The following OPCML variants were observed in gnomAD, a reference collection of about 807,000 sequenced individuals.
The protein encoded by OPCML is opioid-binding protein/cell adhesion molecule.
A neutral mutation model predicts 37.8 loss-of-function variants in OPCML; 13 were observed. The ratio of observed to expected loss-of-function variants is 0.34; its 90% CI spans 0.22 to 0.55. The LOEUF is 0.55. Ranked by LOEUF, OPCML falls within the 20% of genes least tolerant of loss-of-function variation. OPCML has a pLI of 0.91. For missense variants in OPCML, 341 were observed against 435.6 expected (o/e 0.78, Z 1.93); for synonymous variants, 176 against 168.8 (o/e 1.04, Z -0.33).
intron 7 of OPCML, among the ~76,000 whole-genome samples, chr11:132,434,759 G>A (rs964221934): frequency 1.3e-5 from 2 of 151,940 alleles, no homozygotes; most frequent in Non-Finnish European, 2.9e-5. Flanking sequence ...TTTGCCTTGG[G>A]CTAAAAGAAT....
chr11:132,562,488 A>T (rs1028445037), intron 3 of OPCML, among the ~76,000 whole-genome samples: 4 of 152,176 alleles, frequency 2.6e-5, no homozygotes, highest in African/African-American at 9.6e-5. Flanking sequence ...CTAGTCCAGA[A>T]CAATGAAAAA....
chr11:133,287,079 C>G (rs1265931996), intron 1 of OPCML, among the ~76,000 whole-genome samples: 1 of 152,100 alleles, frequency 6.6e-6, no homozygotes. Context: ...CCCTTTGTTT[C>G]CGACTGCAGA....
At chr11:133,280,238 C>A (rs1038977298) in intron 1 of OPCML, among the ~76,000 whole-genome samples, 1 of 152,202 alleles carries the variant, frequency 6.6e-6, no homozygotes, top group Admixed American at 6.5e-5. Flanking sequence ...TCTTTACCAG[C>A]CTGTCCTTTT....
At chr11:132,504,865 G>A (rs752728871) in intron 4 of OPCML, among the ~76,000 whole-genome samples, 8 of 151,982 alleles carry the variant, frequency 5.3e-5, no homozygotes, top group African/African-American at 1.2e-4. Flanking sequence ...ATCAGGAGGC[G>A]GGGTCACTGA....
intron 4 of OPCML, among the ~76,000 whole-genome samples, chr11:132,468,024 T>C (rs1330805529): frequency 6.6e-6 from 1 of 152,182 alleles, no homozygotes; most frequent in Non-Finnish European, 1.5e-5. Context: ...GTCCCTAATC[T>C]TGTGACCTAC....
Position 132,433,039 on chromosome 11 carries a change from G to A in OPCML, c.916+3047C>T, listed in dbSNP as rs1034673989. Among the ~76,000 whole-genome samples, 5 of 152,286 alleles carry A rather than the reference G, an allele frequency of 3.3e-5. No homozygotes were observed. In the East Asian group the frequency reaches 9.7e-4, roughly 29 times the overall value. On this transcript the variant is annotated intron_variant, in intron 7 of 7. Coordinates refer to ENST00000524381, the MANE Select transcript of OPCML (RefSeq NM_001012393.5). Reference sequence around the variant, plus strand: ...AGAGGTCAGGAAAGTCTTCCTTCAGGAAGGGATGCTGAATGCAAGTGTGTG... The same window carrying A: ...AGAGGTCAGGAAAGTCTTCCTTCAGAAAGGGATGCTGAATGCAAGTGTGTG...
rs972150235 is a variant in OPCML, at chr11:133,206,556, A to G, written c.62-263546T>C. Among the ~76,000 whole-genome samples the G allele has an allele frequency of 1.3e-5, 2 of 152,178 alleles. No individual in the cohort carries two copies. The highest frequency in any genetic ancestry group is 2.9e-5 in the Non-Finnish European group (2 of 68,018). On this transcript the variant is annotated intron_variant, in intron 1 of 7. Coordinates refer to ENST00000524381, the MANE Select transcript of OPCML (RefSeq NM_001012393.5). This position sits in a 1 kb window ranked among gnomAD's most constrained non-coding sequence, Gnocchi z 4.7. ...TACTCTCAGAAACATTTGCATATCTAAGCCACTAATAAATGAAGGGTAGTA... is the reference window on the plus strand; with the variant it reads ...TACTCTCAGAAACATTTGCATATCTGAGCCACTAATAAATGAAGGGTAGTA...
chr11:132,741,145 A>C (rs1371282205), intron 2 of OPCML, among the ~76,000 whole-genome samples: 1 of 152,206 alleles, frequency 6.6e-6, no homozygotes, highest in Admixed American at 6.5e-5. Flanking sequence ...GTATATCCTG[A>C]GCCTGACAGA....
In OPCML at chr11:133,194,709, T is replaced by C. The variant is rs552299906; in HGVS notation, c.62-251699A>G. Among the ~76,000 whole-genome samples, 24 of 152,336 alleles carry C rather than the reference T, an allele frequency of 1.6e-4. No individual in the cohort carries two copies. In the South Asian group the frequency reaches 5.0e-3, roughly 32 times the overall value. ...TCTTCCTCAAGATCCTTTGAAAATT[T>C]CGTATTGCCTATAGAATGAAATTCA... On this transcript the variant is annotated intron_variant, in intron 1 of 7. Coordinates refer to ENST00000524381, the MANE Select transcript of OPCML (RefSeq NM_001012393.5).
chr11:132,984,133 G>A (rs1946642485), intron 1 of OPCML, among the ~76,000 whole-genome samples: 1 of 152,146 alleles, frequency 6.6e-6, no homozygotes, highest in African/African-American at 2.4e-5. Flanking sequence ...CCCAAGGCCA[G>A]AAAGCTTAGT....
chr11:132,792,234 T>C (rs1255121651), intron 2 of OPCML, among the ~76,000 whole-genome samples: 1 of 152,186 alleles, frequency 6.6e-6, no homozygotes, highest in East Asian at 1.9e-4. Flanking sequence ...CAATTACTGC[T>C]ACCTGTGTTC....
intron 1 of OPCML, among the ~76,000 whole-genome samples, chr11:133,459,863 C>A (rs1285201081): frequency 2.0e-5 from 3 of 151,992 alleles, no homozygotes; most frequent in Non-Finnish European, 4.4e-5. Flanking sequence ...AACATTATAA[C>A]CAACTGGACC....
intron 2 of OPCML, among the ~76,000 whole-genome samples, chr11:132,732,883 G>A (rs1945127279): frequency 6.6e-6 from 1 of 152,088 alleles, no homozygotes; most frequent in South Asian, 2.1e-4. Context: ...CTGAAGAACA[G>A]AAGGCAAGTA....
chr11:133,295,196 CAA>C (rs756159843), intron 1 of OPCML, among the ~76,000 whole-genome samples: 1 of 152,094 alleles, frequency 6.6e-6, no homozygotes, highest in Admixed American at 6.5e-5. Flanking sequence ...AGTAAATAAC[CAA>C]AGAGTAAAGA....
At chr11:133,027,826 G>GTGGGGTGTGTGT (rs1947592358) in intron 1 of OPCML, among the ~76,000 whole-genome samples, 1 of 28,950 alleles carries the variant, frequency 3.5e-5, no homozygotes, top group Non-Finnish European at 2.0e-4. Flanking sequence ...GGGATGTGGG[G>GTGGGGTGTGTGT]GGAGGTGGGG....
At chr11:132,609,850 G>A (rs1223308295) in intron 3 of OPCML, among the ~76,000 whole-genome samples, 1 of 152,106 alleles carries the variant, frequency 6.6e-6, no homozygotes, top group Non-Finnish European at 1.5e-5. Context: ...TATCTCTAGT[G>A]CCTGGCACAG....
At chr11:132,786,236 G>A (rs116171917) in intron 2 of OPCML, among the ~76,000 whole-genome samples, 229 of 152,224 alleles carry the variant, frequency 1.5e-3, no homozygotes, top group African/African-American at 5.1e-3. Flanking sequence ...AGTAAATACC[G>A]TTCATTAACT....
chr11:132,509,084 AG>A (rs1333931532), intron 4 of OPCML, among the ~76,000 whole-genome samples: 1 of 152,166 alleles, frequency 6.6e-6, no homozygotes, highest in Admixed American at 6.5e-5. Flanking sequence ...TCTCAGATGG[AG>A]ATGAGGAACT....
chr11:133,218,672 C>A (rs1939689306), intron 1 of OPCML, among the ~76,000 whole-genome samples: 1 of 152,110 alleles, frequency 6.6e-6, no homozygotes, highest in African/African-American at 2.4e-5. Context: ...GACACACATG[C>A]AACTGCCTAC....
Sources: gnomAD v4.1 joint callset for allele counts (sites outside exome capture counted in the v4.1 genomes callset) on GRCh38, gnomAD v4.1.1 for gene constraint, Gnocchi (gnomAD v3.1) non-coding constraint, MANE v1.5 for transcripts, NCBI Gene and HGNC (gene_info 2026-07-23, HGNC 2026-07-21) for gene names.